The following EBF1 variants were observed in gnomAD, a reference collection of about 807,000 sequenced individuals.
EBF1 encodes the protein EBF transcription factor 1.
A neutral mutation model predicts 68.4 loss-of-function variants in EBF1; 10 were observed. The ratio of observed to expected loss-of-function variants is 0.15; its 90% CI spans 0.09 to 0.25. The LOEUF is 0.25. Among genes scored for constraint, EBF1 ranks in the 10% least tolerant of loss-of-function variants. The pLI is 1.00. For synonymous variants in EBF1, 298 were observed against 299.8 expected (o/e 0.99, Z 0.06); for missense variants, 509 against 794.4 (o/e 0.64, Z 4.32).
At chr5:158,816,033 A>T (rs1783671254) in intron 8 of EBF1, among the ~76,000 whole-genome samples, 1 of 152,178 alleles carries the variant, frequency 6.6e-6, no homozygotes, top group Non-Finnish European at 1.5e-5. Flanking sequence ...AAATTGTAAC[A>T]TGCCACCCTC....
intron 5 of EBF1, among the ~76,000 whole-genome samples, chr5:159,080,164 T>G (rs950253735): frequency 2.6e-5 from 4 of 152,184 alleles, no homozygotes; most frequent in Non-Finnish European, 5.9e-5. Flanking sequence ...ACCATCCACC[T>G]GCAGGACTCT....
intron 6 of EBF1, among the ~76,000 whole-genome samples, chr5:158,841,608 A>G (rs1052775470): frequency 6.6e-6 from 1 of 152,202 alleles, no homozygotes; most frequent in East Asian, 1.9e-4. Context: ...CTATCACCCT[A>G]TGATGCCTCA....
chr5:158,971,367 T>C (rs1220414649), intron 6 of EBF1, among the ~76,000 whole-genome samples: 3 of 152,138 alleles, frequency 2.0e-5, no homozygotes, highest in African/African-American at 4.8e-5. Flanking sequence ...AAAAGTCAAC[T>C]AGACTTGGAA....
At chr5:159,042,597 T>TGC (rs1771438683) in intron 6 of EBF1, among the ~76,000 whole-genome samples, 1 of 151,556 alleles carries the variant, frequency 6.6e-6, no homozygotes, top group South Asian at 2.1e-4. Context: ...TGTGTGTGTG[T>TGC]GTGTGTGTGT....
At chr5:158,840,189 T>C in intron 6 of EBF1, 79 bp from the exon 7 acceptor site, 1 of 1,024,966 alleles carries the variant, frequency 9.8e-7, no homozygotes, top group Non-Finnish European at 1.5e-6. Context: ...CACCCCTGGG[T>C]TGTGCATTCG....
intron 6 of EBF1, among the ~76,000 whole-genome samples, chr5:158,948,463 A>C (rs1815307143): frequency 6.6e-6 from 1 of 152,168 alleles, no homozygotes. Flanking sequence ...CAAAAACATA[A>C]GTCTGAGATT....
intron 11 of EBF1, 44 bp downstream of exon 11, chr5:158,731,025 T>A: frequency 6.3e-7 from 1 of 1,579,610 alleles, no homozygotes; most frequent in Non-Finnish European, 8.7e-7. Context: ...TGCAAATCGC[T>A]CAAGTCCAAA....
In EBF1 at chr5:159,012,743, C is replaced by A. The variant is rs544499102; in HGVS notation, c.554+60653G>T. On this transcript the variant is annotated intron_variant, in intron 6 of 15. Transcript: ENST00000313708. ...CAAACTCCTAGCCTCAGGCAATCCT[C>A]CCAACTTGGCAACCCAAAGTGCTGG... Among the ~76,000 whole-genome samples, 3 of 152,300 alleles carry A rather than the reference C, an allele frequency of 2.0e-5. No individual in the cohort carries two copies. In the East Asian group the frequency reaches 5.8e-4, roughly 29 times the overall value.
intron 6 of EBF1, among the ~76,000 whole-genome samples, chr5:158,864,372 AG>A: frequency 6.6e-6 from 1 of 152,188 alleles, no homozygotes; most frequent in Admixed American, 6.6e-5. Flanking sequence ...GCCAAGCCAA[AG>A]GGGCAAGGGA....
At chr5:158,979,141 A>C (rs1208100571) in intron 6 of EBF1, among the ~76,000 whole-genome samples, 1 of 152,226 alleles carries the variant, frequency 6.6e-6, no homozygotes, top group Non-Finnish European at 1.5e-5. Context: ...AAAGGTTTGG[A>C]GACTATAGGA....
At chr5:158,999,505 G>T (rs1467866304) in intron 6 of EBF1, among the ~76,000 whole-genome samples, 1 of 152,234 alleles carries the variant, frequency 6.6e-6, no homozygotes, top group African/African-American at 2.4e-5. Context: ...GCATTTGTGA[G>T]AAATTGGTGG....
At chr5:159,092,472 A>G (rs1458505173) in intron 4 of EBF1, among the ~76,000 whole-genome samples, 1 of 152,144 alleles carries the variant, frequency 6.6e-6, no homozygotes, top group Non-Finnish European at 1.5e-5. Flanking sequence ...AAAAATTAAG[A>G]GTCATTACCC....
chr5:158,831,471 G>T (rs1215884008), intron 7 of EBF1, among the ~76,000 whole-genome samples: 1 of 152,046 alleles, frequency 6.6e-6, no homozygotes, highest in African/African-American at 2.4e-5. Flanking sequence ...CATTTACCAA[G>T]CAGGAGTTTA....
intron 10 of EBF1, among the ~76,000 whole-genome samples, chr5:158,765,648 A>G (rs932291309): frequency 1.3e-5 from 2 of 152,122 alleles, no homozygotes; most frequent in African/African-American, 4.8e-5. Flanking sequence ...AGCAGTGGGT[A>G]TGAGGGGAAG....
At chr5:158,974,369 T>G (rs1361024559) in intron 6 of EBF1, among the ~76,000 whole-genome samples, 1 of 152,230 alleles carries the variant, frequency 6.6e-6, no homozygotes, top group Non-Finnish European at 1.5e-5. Flanking sequence ...TCCTGAAATT[T>G]CTCAGTTGCC....
intron 6 of EBF1, among the ~76,000 whole-genome samples, chr5:158,906,827 A>T (rs1804749047): frequency 6.6e-6 from 1 of 152,208 alleles, no homozygotes; most frequent in Non-Finnish European, 1.5e-5. Flanking sequence ...ACTGTGAAAA[A>T]TTCAAAGAAA....
rs1225626118 is a variant in EBF1, at chr5:158,697,346, G to A, written c.*1765C>T. On this transcript the variant is annotated 3_prime_UTR_variant, in exon 16 of 16. Transcript: ENST00000313708. The stretch of plus-strand genomic sequence containing the variant: ...AATACAAAAATAGACAATGACTTTT[G>A]GGTGGAAATTAAAAAAACTGAAGCA... 5.1e-6 allele frequency: 1 copy of A among 195,540 alleles called. No homozygotes were observed. Among genetic ancestry groups the A allele is most frequent in the Non-Finnish European group, 1.1e-5 (1 of 95,236 alleles). 12.1% of individuals were successfully genotyped at this position (195,540 alleles called of 1,614,324 possible). A position where few individuals can be genotyped will look rare whatever the true frequency, so the allele number is the denominator to read the frequency against.
At chr5:158,850,256 C>T (rs1010803563) in intron 6 of EBF1, among the ~76,000 whole-genome samples, 12 of 152,224 alleles carry the variant, frequency 7.9e-5, no homozygotes, top group African/African-American at 2.9e-4. Context: ...TTAGTTAAAA[C>T]TCTTAATGAT....
At chr5:158,949,519 T>C (rs1815537569) in intron 6 of EBF1, among the ~76,000 whole-genome samples, 1 of 152,188 alleles carries the variant, frequency 6.6e-6, no homozygotes, top group Non-Finnish European at 1.5e-5. Context: ...GAAAATATTT[T>C]CTTCAGGAAA....
Sources: gnomAD v4.1 joint callset for allele counts (sites outside exome capture counted in the v4.1 genomes callset) on GRCh38, gnomAD v4.1.1 for gene constraint, MANE v1.5 for transcripts, NCBI Gene and HGNC (gene_info 2026-07-23, HGNC 2026-07-21) for gene names.